ACTR3C: variants seen among roughly 807,000 people sequenced by gnomAD.
ACTR3C encodes the protein actin related protein 3C.
In ACTR3C, 18 loss-of-function variants were observed where a neutral mutation model predicts 26.3. The ratio of observed to expected loss-of-function variants is 0.68; its 90% CI spans 0.47 to 1.01. ACTR3C has a LOEUF of 1.01. ACTR3C is among the 50% of genes least tolerant of loss of function. The pLI is 0.00. For synonymous variants in ACTR3C, 55 were observed against 94.5 expected, an observed-to-expected ratio of 0.58 and a Z score of 2.42; for missense variants, 184 against 250.7, an observed-to-expected ratio of 0.73 and a Z score of 1.80.
At chr7:150,284,728 A>G in intron 6 of ACTR3C, 25 bp downstream of exon 6, 1 of 1,561,064 alleles carries the variant, frequency 6.4e-7, no homozygotes, top group Non-Finnish European at 8.7e-7. Context: ...ATGAAATCAA[A>G]GTACCTTACC....
the ACTR3C span, among the ~76,000 whole-genome samples, chr7:149,931,037 T>C: frequency 6.6e-6 from 1 of 152,238 alleles, no homozygotes; most frequent in African/African-American, 2.4e-5. Flanking sequence ...GGCTAATTTT[T>C]GTATTTTTAG....
the ACTR3C span, among the ~76,000 whole-genome samples, chr7:150,159,048 C>CACACA: frequency 6.7e-6 from 1 of 149,258 alleles, no homozygotes; most frequent in African/African-American, 2.5e-5. Flanking sequence ...AGGCACACAC[C>CACACA]GTGGCAACAA....
At chr7:149,938,246 A>T in the ACTR3C span, among the ~76,000 whole-genome samples, 5 of 152,330 alleles carry the variant, frequency 3.3e-5, no homozygotes, top group Admixed American at 2.6e-4. Flanking sequence ...AGCTTTTATT[A>T]TTCTACTGAG....
At chr7:150,039,025 C>T in the ACTR3C span, among the ~76,000 whole-genome samples, 111 of 117,680 alleles carry the variant, frequency 9.4e-4, no homozygotes, top group African/African-American at 1.7e-3. Flanking sequence ...GGGTCTGGCT[C>T]TCAGTAATCC....
the ACTR3C span, among the ~76,000 whole-genome samples, chr7:150,176,317 G>A: frequency 2.7e-4 from 40 of 150,370 alleles, no homozygotes; most frequent in Non-Finnish European, 2.2e-4. Flanking sequence ...TAGTTGCTCC[G>A]TAGAAATGAA....
chr7:150,147,918 T>A, the ACTR3C span, among the ~76,000 whole-genome samples: 1 of 148,080 alleles, frequency 6.8e-6, no homozygotes, highest in African/African-American at 2.5e-5. Context: ...GAAATGCATA[T>A]CCTCACTTAT....
the ACTR3C span, among the ~76,000 whole-genome samples, chr7:149,903,982 G>A: frequency 1.2e-3 from 138 of 111,508 alleles, 12 homozygotes; most frequent in African/African-American, 3.3e-3. Context: ...GTGCGGTGAC[G>A]CAATCTCAGC....
At chr7:149,963,707 C>T in the ACTR3C span, among the ~76,000 whole-genome samples, 8 of 152,310 alleles carry the variant, frequency 5.3e-5, no homozygotes, top group East Asian at 1.9e-4. Flanking sequence ...AAGGGTGACA[C>T]GGAGCAGCTG....
the ACTR3C span, among the ~76,000 whole-genome samples, chr7:150,048,686 C>T: frequency 1.3e-5 from 2 of 152,102 alleles, no homozygotes; most frequent in African/African-American, 4.8e-5. Context: ...TCCCCGCGCC[C>T]CCAGCTCTTC....
At chr7:150,014,312 T>C in the ACTR3C span, among the ~76,000 whole-genome samples, 4 of 151,652 alleles carry the variant, frequency 2.6e-5, no homozygotes, top group East Asian at 2.0e-4. Flanking sequence ...AAAAATTAGC[T>C]GGGCATGGTG....
intron 5 of ACTR3C, among the ~76,000 whole-genome samples, chr7:150,285,570 A>G (rs1257048100): frequency 1.3e-5 from 2 of 152,230 alleles, no homozygotes; most frequent in Non-Finnish European, 2.9e-5. Flanking sequence ...ATACTATTAA[A>G]AGTGAGCATT....
the ACTR3C span, among the ~76,000 whole-genome samples, chr7:150,195,787 G>A: frequency 6.6e-6 from 1 of 152,350 alleles, no homozygotes; most frequent in African/African-American, 2.4e-5. Context: ...GCTGAGGCAG[G>A]AGAATCACTT....
the ACTR3C span, among the ~76,000 whole-genome samples, chr7:149,984,818 T>C: frequency 0.98 from 149,554 of 152,154 alleles, 73,541 homozygotes; most frequent in East Asian, 1. Context: ...AGCCAACATG[T>C]AAGGAGAATC....
At chr7:150,030,921 C>A in the ACTR3C span, among the ~76,000 whole-genome samples, 194 of 152,212 alleles carry the variant, frequency 1.3e-3, no homozygotes, top group Non-Finnish European at 2.2e-3. Flanking sequence ...GGGCTCTGTT[C>A]AGTAGGGACA....
chr7:149,961,808 A>G, the ACTR3C span, among the ~76,000 whole-genome samples: 4 of 152,082 alleles, frequency 2.6e-5, no homozygotes, highest in Admixed American at 1.3e-4. Context: ...AGGTAAACAC[A>G]TAGGAAATAT....
chr7:150,168,288 C>T, the ACTR3C span, among the ~76,000 whole-genome samples: 28 of 150,838 alleles, frequency 1.9e-4, 1 homozygote, highest in South Asian at 1.7e-3. Context: ...AGATCAGCAG[C>T]GGCATTAGAT....
the ACTR3C span, among the ~76,000 whole-genome samples, chr7:150,158,370 A>G: frequency 3.3e-5 from 5 of 152,232 alleles, no homozygotes; most frequent in East Asian, 3.9e-4. Context: ...ATAAAATGAA[A>G]TCATTATCTC....
the ACTR3C span, among the ~76,000 whole-genome samples, chr7:149,912,504 A>ATT: frequency 2.2e-3 from 310 of 139,096 alleles, no homozygotes; most frequent in African/African-American, 4.6e-3. Context: ...AGATATATTA[A>ATT]TTTTTTTTTT....
chr7:150,159,873 C>T, the ACTR3C span, among the ~76,000 whole-genome samples: 2 of 152,078 alleles, frequency 1.3e-5, no homozygotes, highest in African/African-American at 4.8e-5. Flanking sequence ...GGCGCGATCT[C>T]GGCTCACCGC....
Sources: allele counts gnomAD v4.1 joint callset (sites outside exome capture counted in the v4.1 genomes callset), GRCh38; gene constraint gnomAD v4.1.1; transcripts MANE v1.5; gene names NCBI Gene and HGNC (gene_info 2026-07-23, HGNC 2026-07-21).